The following ANO3 variants were observed in gnomAD, a reference collection of about 807,000 sequenced individuals.
The protein encoded by ANO3 is anoctamin-3.
Under a neutral mutation model 144.8 loss-of-function variants are expected in ANO3, and 99 were observed. That is an observed-to-expected ratio of 0.68 (90% CI 0.58 to 0.81). ANO3 has a LOEUF of 0.81. Ranked by LOEUF, ANO3 falls within the 30% of genes least tolerant of loss-of-function variation. The pLI, the probability that ANO3 is intolerant of heterozygous loss-of-function variation, is 0.00. For missense variants in ANO3, 905 were observed against 1,202.2 expected, an observed-to-expected ratio of 0.75 and a Z score of 3.66; for synonymous variants, 414 against 392.6, an observed-to-expected ratio of 1.05 and a Z score of -0.64.
chr11:26,250,634 T>C (rs768299083), intron 1 of ANO3, among the ~76,000 whole-genome samples: 1 of 152,310 alleles, frequency 6.6e-6, no homozygotes, highest in African/African-American at 2.4e-5. Flanking sequence ...TCAGGAGAAC[T>C]AAATTATTTT....
intron 1 of ANO3, among the ~76,000 whole-genome samples, chr11:26,214,929 G>C (rs1226820047): frequency 1.3e-5 from 2 of 151,838 alleles, no homozygotes; most frequent in South Asian, 4.1e-4. Flanking sequence ...CAAGTATTTT[G>C]TAGAATGTCT....
At chr11:26,656,600 AAAAGGCTTTAATACAATG>A (rs1853697208) in intron 26 of ANO3, 119 bp downstream of exon 26, 2 of 674,398 alleles carry the variant, frequency 3.0e-6, no homozygotes, top group Non-Finnish European at 5.2e-6. Context: ...TAGGTCCCGT[AAAAGGCTTTAATACAATG>A]AAAGCATTAT....
chr11:26,650,422 C>G (rs1041254038), intron 24 of ANO3, among the ~76,000 whole-genome samples: 25 of 151,620 alleles, frequency 1.6e-4, no homozygotes, highest in African/African-American at 6.1e-4. Flanking sequence ...AACATGTGGT[C>G]TGCAGATCTC....
intron 1 of ANO3, among the ~76,000 whole-genome samples, chr11:26,246,330 G>T (rs1852793105): frequency 6.6e-6 from 1 of 151,848 alleles, no homozygotes; most frequent in South Asian, 2.1e-4. Context: ...AGGAGTGGTA[G>T]TATTTTGTAC....
chr11:26,319,773 C>T (rs1450674375), intron 1 of ANO3, among the ~76,000 whole-genome samples: 1 of 151,888 alleles, frequency 6.6e-6, no homozygotes, highest in Non-Finnish European at 1.5e-5. Flanking sequence ...CATTTTACCA[C>T]CTTATTTATT....
In ANO3 at chr11:26,586,648, G is replaced by A. The variant is rs536627993; in HGVS notation, c.1448-11717G>A. 1.8e-4 allele frequency among the ~76,000 whole-genome samples: 27 copies of A among 151,280 alleles called. No individual in the cohort carries two copies. The South Asian group carries it at 4.4e-3, about 25-fold the overall frequency. On this transcript the variant is annotated intron_variant, in intron 14 of 26. Transcript: ENST00000256737. ...CTCCCGAGTAGCTGGGACTACAGGC[G>A]CCCGCCACCACACCCGGCTAACTTT...
At chr11:26,283,353 T>TATATAG (rs1853726420) in intron 1 of ANO3, among the ~76,000 whole-genome samples, 1 of 116,954 alleles carries the variant, frequency 8.6e-6, no homozygotes, top group Non-Finnish European at 1.8e-5. Context: ...TATATATATA[T>TATATAG]ATATATATAT....
At chr11:26,308,136 G>A (rs1455969447), upstream of ANO3, among the ~76,000 whole-genome samples, 1 of 152,102 alleles carries the variant, frequency 6.6e-6, no homozygotes, top group Admixed American at 6.5e-5. Context: ...TCATGTTGAT[G>A]GCACAATTGG....
intron 7 of ANO3, among the ~76,000 whole-genome samples, chr11:26,530,904 C>T (rs1444617403): frequency 6.6e-6 from 1 of 151,720 alleles, no homozygotes; most frequent in Non-Finnish European, 1.5e-5. Context: ...AACAAAAAAT[C>T]TCTTTCCTAC....
intron 1 of ANO3, among the ~76,000 whole-genome samples, chr11:26,222,944 TC>T (rs1486681935): frequency 6.6e-6 from 1 of 152,194 alleles, no homozygotes; most frequent in East Asian, 1.9e-4. Flanking sequence ...GGGGCCTTTC[TC>T]ATTATCTTTG....
intron 18 of ANO3, among the ~76,000 whole-genome samples, chr11:26,631,725 G>A (rs915490524): frequency 2.0e-5 from 3 of 152,040 alleles, no homozygotes; most frequent in Non-Finnish European, 1.5e-5. Context: ...TAATATTAGG[G>A]AAACTAGAGG....
At position 26,213,944 on chromosome 11, in the gene ANO3, T is replaced by C. The variant is rs889086750; in HGVS notation, c.154+24614T>C. ...AATTTGCATTTATCTCTCTCCAAAG[T>C]GCTTATATTTAAGTATTTATTGATG... On this transcript the variant is annotated intron_variant, in intron 1 of 27. Coordinates refer to the ANO3 transcript ENST00000672621. Among the ~76,000 whole-genome samples, 11 of 152,152 alleles carry C rather than the reference T, an allele frequency of 7.2e-5. No individual in the cohort carries two copies. In the East Asian group the frequency reaches 2.1e-3, roughly 29 times the overall value.
rs534508288 is a variant in ANO3 at position 26,240,108 on chromosome 11, C to T, written c.154+50778C>T. ...TCCTCCGTGTCACATAATTTTTCAT[C>T]TACAAAATCAAAATAATAATAGTAT... is the stretch of plus-strand genomic sequence containing the variant. On this transcript the variant is annotated intron_variant, in intron 1 of 27. Transcript: ENST00000672621. Among the ~76,000 whole-genome samples the T allele has an allele frequency of 3.6e-4, 55 of 152,228 alleles. 1 individual carries two copies. The highest frequency in any genetic ancestry group is 1.3e-3 in the African/African-American group (55 of 41,550).
chr11:26,551,912 T>G (rs1374357878), intron 12 of ANO3, among the ~76,000 whole-genome samples: 1 of 152,036 alleles, frequency 6.6e-6, no homozygotes, highest in East Asian at 1.9e-4. Flanking sequence ...ATAGTATATG[T>G]AAGACCCATT....
chr11:26,250,453 G>T (rs1304948361), intron 1 of ANO3, among the ~76,000 whole-genome samples: 1 of 152,112 alleles, frequency 6.6e-6, no homozygotes, highest in Non-Finnish European at 1.5e-5. Context: ...ACAGTTAAAT[G>T]GTTAAATTTC....
At chr11:26,322,370 T>C (rs1317007419) in intron 1 of ANO3, among the ~76,000 whole-genome samples, 3 of 152,142 alleles carry the variant, frequency 2.0e-5, no homozygotes, top group Non-Finnish European at 4.4e-5. Flanking sequence ...TATTCATACA[T>C]TATTATCAAC....
intron 14 of ANO3, chr11:26,560,850 C>A: frequency 2.3e-6 from 1 of 437,196 alleles, no homozygotes. Flanking sequence ...ATTAAGGCTA[C>A]TTAGTAAATG....
At chr11:26,393,834 C>A (rs1245743736) in intron 1 of ANO3, among the ~76,000 whole-genome samples, 6 of 152,126 alleles carry the variant, frequency 3.9e-5, no homozygotes, top group Non-Finnish European at 7.4e-5. Context: ...AGTTGATGCA[C>A]ATACTGCTAA....
chr11:26,231,765 G>A (rs577364145), intron 1 of ANO3, among the ~76,000 whole-genome samples: 8 of 152,298 alleles, frequency 5.3e-5, no homozygotes, highest in East Asian at 1.9e-4. Flanking sequence ...ATGCGTCTAC[G>A]AATGTAAGAT....
Sources: gnomAD v4.1 joint callset for allele counts (sites outside exome capture counted in the v4.1 genomes callset) on GRCh38, gnomAD v4.1.1 for gene constraint, MANE v1.5 for transcripts, NCBI Gene and HGNC (gene_info 2026-07-23, HGNC 2026-07-21) for gene names.